ERICH2: variants seen among roughly 807,000 people sequenced by gnomAD.
ERICH2 encodes the protein glutamate rich 2, also known as glutamate-rich protein 2.
ERICH2 carries 17 observed loss-of-function variants against 17.4 expected under a neutral mutation model. The ratio of observed to expected loss-of-function variants is 0.98; its 90% CI spans 0.67 to 1.47. ERICH2 has a LOEUF of 1.47. Among genes scored for constraint, ERICH2 ranks in the 40% most tolerant of loss-of-function variants. The pLI is 0.00. For missense variants in ERICH2, 186 were observed against 183.2 expected (o/e 1.01, Z -0.09); for synonymous variants, 51 against 61.1 (o/e 0.83, Z 0.77).
chr2:170,787,647 G>C lies in ERICH2; in HGVS notation c.216+2814G>C, dbSNP rs773014816. On this transcript the variant is annotated intron_variant, in intron 2 of 4. Coordinates refer to ENST00000409885, the Ensembl canonical transcript of ERICH2. ...AAAGACTCAAAGAAACACCTCTGCAGATTGCTGGAGCCCTCTGTCTTTGTG... is the reference window on the plus strand; with the variant it reads ...AAAGACTCAAAGAAACACCTCTGCACATTGCTGGAGCCCTCTGTCTTTGTG... Among the ~76,000 whole-genome samples, 89 of 152,240 alleles carry C rather than the reference G, an allele frequency of 5.8e-4. 1 individual carries two copies. Among genetic ancestry groups the C allele is most frequent in the Non-Finnish European group, 1.8e-4 (12 of 68,038 alleles).
upstream of ERICH2, chr2:170,782,267 CA>C (rs1701046452): frequency 1.1e-5 from 10 of 947,084 alleles, no homozygotes; most frequent in Non-Finnish European, 1.3e-5. Flanking sequence ...AAGAATATTG[CA>C]AATAAAGTCT....
the ERICH2 span, among the ~76,000 whole-genome samples, chr2:170,778,678 A>T: frequency 6.6e-6 from 1 of 152,206 alleles, no homozygotes; most frequent in African/African-American, 2.4e-5. Flanking sequence ...ATGTAATTTT[A>T]TATGTATCCT....
At chr2:170,786,076 CT>C (rs1040033265) in intron 2 of ERICH2, among the ~76,000 whole-genome samples, 13 of 152,038 alleles carry the variant, frequency 8.6e-5, no homozygotes, top group African/African-American at 2.9e-4. Flanking sequence ...TTTAAAATCT[CT>C]TTTCAAATGT....
At chr2:170,797,768 G>C (rs978936287) in intron 3 of ERICH2, among the ~76,000 whole-genome samples, 2 of 150,532 alleles carry the variant, frequency 1.3e-5, no homozygotes, top group African/African-American at 4.9e-5. Flanking sequence ...CTCCAGTCTG[G>C]GTAACAGAGC....
At chr2:170,790,793 G>T (rs1425810496) in intron 2 of ERICH2, among the ~76,000 whole-genome samples, 1 of 141,378 alleles carries the variant, frequency 7.1e-6, no homozygotes. Flanking sequence ...AACAGACCAA[G>T]ACTCCTTCTC....
the ERICH2 span, among the ~76,000 whole-genome samples, chr2:170,772,199 C>G: frequency 6.6e-6 from 1 of 152,294 alleles, no homozygotes; most frequent in South Asian, 2.1e-4. Context: ...TCTACCTACG[C>G]TCACCGGTTG....
the ERICH2 span, among the ~76,000 whole-genome samples, chr2:170,775,987 G>C: frequency 6.6e-6 from 1 of 152,016 alleles, no homozygotes; most frequent in Non-Finnish European, 1.5e-5. Flanking sequence ...AGTCTGGTTT[G>C]GGTGTGGGAA....
intron 2 of ERICH2, among the ~76,000 whole-genome samples, chr2:170,789,820 A>G (rs569973937): frequency 2.2e-4 from 34 of 152,322 alleles, no homozygotes; most frequent in Non-Finnish European, 4.4e-4. Flanking sequence ...TAATATTAAG[A>G]AATTCCTAAA....
chr2:170,772,533 A>C, the ERICH2 span, among the ~76,000 whole-genome samples: 1 of 152,248 alleles, frequency 6.6e-6, no homozygotes, highest in African/African-American at 2.4e-5. Context: ...ACTGGGATTT[A>C]AACATAGACA....
intron 3 of ERICH2, among the ~76,000 whole-genome samples, chr2:170,794,280 T>C (rs1293902944): frequency 6.6e-6 from 1 of 151,876 alleles, no homozygotes; most frequent in Non-Finnish European, 1.5e-5. Context: ...CTAATTTTTG[T>C]ATTTTTAGTA....
chr2:170,788,311 G>A (rs1431444292), intron 2 of ERICH2, among the ~76,000 whole-genome samples: 5 of 151,822 alleles, frequency 3.3e-5, no homozygotes, highest in African/African-American at 1.2e-4. Flanking sequence ...GAGTTGTTTT[G>A]TTTTTTTCTT....
intron 3 of ERICH2, among the ~76,000 whole-genome samples, chr2:170,796,972 C>A (rs748746875): frequency 6.6e-6 from 1 of 152,086 alleles, no homozygotes; most frequent in Non-Finnish European, 1.5e-5. Context: ...TCTTTCTGGC[C>A]TCTAGGATTT....
chr2:170,783,942 G>T (rs1275694393), intron 1 of ERICH2: 2 of 1,546,526 alleles, frequency 1.3e-6, no homozygotes, highest in East Asian at 4.9e-5. Context: ...GTAGCATTTT[G>T]GGTTTAGAGT....
chr2:170,785,347 CAGGTTAG>C (rs1374784663), intron 2 of ERICH2, among the ~76,000 whole-genome samples: 2 of 152,032 alleles, frequency 1.3e-5, no homozygotes, highest in Non-Finnish European at 2.9e-5. Flanking sequence ...CTACTTTCAC[CAGGTTAG>C]AGGTGAAAGA....
At position 170,787,565 on chromosome 2, in the gene ERICH2, ATTCT is replaced by A. The variant is rs1701186450; in HGVS notation, c.216+2737_216+2740del. 2.6e-5 allele frequency among the ~76,000 whole-genome samples: 4 copies of A among 152,312 alleles called. No homozygotes were observed. The South Asian group carries it at 6.2e-4, about 24-fold the overall frequency. On this transcript the variant is annotated intron_variant, in intron 2 of 4. Coordinates refer to ENST00000409885, the Ensembl canonical transcript of ERICH2. ...ATTATTCCACCTGCTCATTCTAGTG[ATTCT>A]TTCTCCAGATTCAGATAGTTTCTTC...
intron 2 of ERICH2, among the ~76,000 whole-genome samples, chr2:170,791,691 AAAAT>A (rs1246387528): frequency 6.6e-6 from 1 of 150,830 alleles, no homozygotes; most frequent in Non-Finnish European, 1.5e-5. Context: ...CTCCGTCTCA[AAAAT>A]AAATAAATAA....
chr2:170,770,413 T>G, the ERICH2 span, among the ~76,000 whole-genome samples: 1 of 152,190 alleles, frequency 6.6e-6, no homozygotes, highest in Non-Finnish European at 1.5e-5. Flanking sequence ...AGAGGGAACC[T>G]GGGCTGCTCT....
Position 170,791,201 on chromosome 2 carries a change from A to C in ERICH2, c.217-1662A>C, listed in dbSNP as rs545280961. 2.3e-3 allele frequency among the ~76,000 whole-genome samples: 355 copies of C among 152,322 alleles called. 1 individual carries two copies. Among genetic ancestry groups the C allele is most frequent in the African/African-American group, 7.4e-3 (309 of 41,574 alleles). ...GAATTCTATTGCATGAGTTGAACAT[A>C]CCATGTTTAAGACCATACCATGTTT... On this transcript the variant is annotated intron_variant, in intron 2 of 4. Coordinates refer to ENST00000409885, the Ensembl canonical transcript of ERICH2.
chr2:170,777,668 A>G, the ERICH2 span: 3 of 1,234,174 alleles, frequency 2.4e-6, no homozygotes, highest in Non-Finnish European at 3.0e-6. Flanking sequence ...GAATCAAACG[A>G]AGCAATGTCA....
Sources: allele counts gnomAD v4.1 joint callset (sites outside exome capture counted in the v4.1 genomes callset), GRCh38; gene constraint gnomAD v4.1.1; transcripts MANE v1.5; gene names NCBI Gene and HGNC (gene_info 2026-07-23, HGNC 2026-07-21).